The following NRROS variants were observed in gnomAD, a reference collection of about 807,000 sequenced individuals.
The protein encoded by NRROS is negative regulator of reactive oxygen species.
Under a neutral mutation model 12.0 loss-of-function variants are expected in NRROS, and 6 were observed. That is an observed-to-expected ratio of 0.50 (90% CI 0.27 to 0.98). The LOEUF is 0.98. NRROS is among the 50% of genes least tolerant of loss of function. The probability of loss-of-function intolerance (pLI) is 0.11; values close to 1 mark genes in which losing one functional copy is unlikely to be tolerated. For synonymous variants in NRROS, 462 were observed against 410.2 expected (o/e 1.13, Z -1.53); for missense variants, 857 against 888.2 (o/e 0.96, Z 0.45).
intron 2 of NRROS, among the ~76,000 whole-genome samples, chr3:196,658,844 C>G (rs982102160): frequency 6.6e-6 from 1 of 152,058 alleles, no homozygotes; most frequent in Non-Finnish European, 1.5e-5. Context: ...GTGGCATGTG[C>G]CTGTAATCCC....
intron 1 of NRROS, among the ~76,000 whole-genome samples, chr3:196,640,744 G>T (rs1309659287): frequency 1.3e-5 from 2 of 152,182 alleles, no homozygotes; most frequent in Non-Finnish European, 2.9e-5. Context: ...AGGTGGACAC[G>T]TGCCAGTTGG....
chr3:196,641,779 A>G (rs978175031), intron 1 of NRROS, among the ~76,000 whole-genome samples: 9 of 152,182 alleles, frequency 5.9e-5, no homozygotes, highest in Non-Finnish European at 1.2e-4. Flanking sequence ...TCCACACTGC[A>G]CAGTGTGCAC....
Position 196,660,824 on chromosome 3 carries a change from C to T in NRROS, c.1181C>T (p.Ala394Val). ...SHNQLSELHLAPGLASCLGSL... is the reference protein window; with the variant it reads ...SHNQLSELHLVPGLASCLGSL... ...AACCAGCTGTCGGAGCTGCACCTGG[C>T]TCCGGGGCTGGCCAGCTGCCTGGGC... The change falls in exon 3 of 3, where the codon GCT (alanine) becomes GTT (valine). Residue 394 changes from alanine (A) to valine (V), a missense_variant. Ala to Val is a moderately conservative substitution (Grantham distance 64). Coordinates refer to ENST00000328557, the MANE Select transcript of NRROS (RefSeq NM_198565.3). This position sits in a 1 kb window ranked among gnomAD's most constrained non-coding sequence, Gnocchi z 7.7. 6.2e-7 allele frequency: 1 copy of T among 1,613,674 alleles called. No homozygotes were observed.
intron 1 of NRROS, among the ~76,000 whole-genome samples, chr3:196,648,821 C>T (rs986574057): frequency 6.7e-6 from 1 of 149,908 alleles, no homozygotes; most frequent in Non-Finnish European, 1.5e-5. Context: ...TCATTCACTG[C>T]ACTTGGTTAA....
chr3:196,645,285 C>T (rs994600836), intron 1 of NRROS, among the ~76,000 whole-genome samples: 5 of 152,080 alleles, frequency 3.3e-5, no homozygotes, highest in South Asian at 2.1e-4. Flanking sequence ...GAGGACAGAG[C>T]GTGTGGGCAT....
intron 1 of NRROS, among the ~76,000 whole-genome samples, chr3:196,652,566 T>C (rs1021407149): frequency 6.6e-6 from 1 of 152,234 alleles, no homozygotes; most frequent in African/African-American, 2.4e-5. Context: ...GATATCCTGC[T>C]GCTTCCTGCC....
chr3:196,650,022 A>T (rs1737389383), intron 1 of NRROS, among the ~76,000 whole-genome samples: 1 of 152,208 alleles, frequency 6.6e-6, no homozygotes, highest in Non-Finnish European at 1.5e-5. Flanking sequence ...GAGCAGCTCC[A>T]ACAAGGAGAG....
At chr3:196,640,523 T>C (rs922214839) in intron 1 of NRROS, among the ~76,000 whole-genome samples, 1 of 152,196 alleles carries the variant, frequency 6.6e-6, no homozygotes, top group African/African-American at 2.4e-5. Flanking sequence ...TGGGGCTCTG[T>C]GACTTGGATC....
chr3:196,644,562 C>T (rs1737269314), intron 1 of NRROS, among the ~76,000 whole-genome samples: 1 of 151,578 alleles, frequency 6.6e-6, no homozygotes, highest in South Asian at 2.1e-4. Flanking sequence ...AGTTTGAGAC[C>T]AGTCTGGCCA....
At chr3:196,658,142 G>A (rs1737577892) in intron 2 of NRROS, among the ~76,000 whole-genome samples, 1 of 152,248 alleles carries the variant, frequency 6.6e-6, no homozygotes, top group South Asian at 2.1e-4. Context: ...GAATGCATAT[G>A]CTTCCTAAAA....
intron 1 of NRROS, among the ~76,000 whole-genome samples, chr3:196,644,965 A>G (rs1429106180): frequency 1.3e-5 from 2 of 152,070 alleles, no homozygotes; most frequent in Admixed American, 1.3e-4. Flanking sequence ...CCTCTAAAAA[A>G]AAAGGAGAAA....
At chr3:196,644,358 C>T (rs555455786) in intron 1 of NRROS, among the ~76,000 whole-genome samples, 4 of 149,072 alleles carry the variant, frequency 2.7e-5, no homozygotes, top group African/African-American at 9.9e-5. Flanking sequence ...AAGGTCACGC[C>T]GCTGCACTCT....
chr3:196,660,915 T>C lies in NRROS; in HGVS notation c.1272T>C (p.Asn424=), dbSNP rs144129363. 2.5e-6 allele frequency: 4 copies of C among 1,614,186 alleles called. No homozygotes were observed. The highest frequency in any genetic ancestry group is 3.4e-6 in the Non-Finnish European group (4 of 1,180,044). Residue 424 remains asparagine, a synonymous_variant, in exon 3 of 3, where the codon AAT becomes AAC. Transcript: ENST00000328557. The surrounding 1 kb of genome is among the most constrained non-coding windows in gnomAD (Gnocchi z 7.7). ...LLGVPPGLFA[N]ARNITTLDMS... ...GCGTCCCCCCTGGCCTCTTCGCCAA[T>C]GCTAGGAACATCACTACACTTGACA...
intron 2 of NRROS, among the ~76,000 whole-genome samples, chr3:196,658,876 A>C (rs943921587): frequency 3.3e-5 from 5 of 152,182 alleles, no homozygotes; most frequent in Non-Finnish European, 7.3e-5. Context: ...AGGCTGAAAC[A>C]GGAGAATTGC....
chr3:196,653,502 T>C (rs1002130321), intron 1 of NRROS, among the ~76,000 whole-genome samples: 1 of 152,230 alleles, frequency 6.6e-6, no homozygotes, highest in South Asian at 2.1e-4. Flanking sequence ...CCGGTAGGTG[T>C]CAAGGAATGG....
chr3:196,656,000 G>A (rs938688794), intron 2 of NRROS, among the ~76,000 whole-genome samples: 7 of 152,054 alleles, frequency 4.6e-5, no homozygotes, highest in East Asian at 1.9e-4. Context: ...GTAAAAACCC[G>A]TCTCTACTAA....
chr3:196,659,214 C>G (rs115789726), intron 2 of NRROS, among the ~76,000 whole-genome samples: 1,901 of 151,736 alleles, frequency 0.013, 37 homozygotes, highest in African/African-American at 0.044. Flanking sequence ...CCAGTCCCGG[C>G]ACAGCCACTG....
At chr3:196,643,212 G>A (rs58385329) in intron 1 of NRROS, among the ~76,000 whole-genome samples, 11,077 of 152,242 alleles carry the variant, frequency 0.073, 466 homozygotes, top group African/African-American at 0.11. Flanking sequence ...AAGGAGAAAC[G>A]AATGTGAGTG....
At chr3:196,658,627 A>G (rs1099215) in intron 2 of NRROS, among the ~76,000 whole-genome samples, 138,245 of 152,244 alleles carry the variant, frequency 0.91, 62,960 homozygotes, top group East Asian at 1. Context: ...TATTACTGAT[A>G]AACTTGTGCA....
Sources: gnomAD v4.1 joint callset for allele counts (sites outside exome capture counted in the v4.1 genomes callset) on GRCh38, gnomAD v4.1.1 for gene constraint, Gnocchi (gnomAD v3.1) non-coding constraint, MANE v1.5 for transcripts, NCBI Gene and HGNC (gene_info 2026-07-23, HGNC 2026-07-21) for gene names.